The following ELMO1 variants were observed in gnomAD, a reference collection of about 807,000 sequenced individuals.
The protein encoded by ELMO1 is engulfment and cell motility 1, also known as engulfment and cell motility protein 1.
ELMO1 carries 26 observed loss-of-function variants against 98.9 expected under a neutral mutation model. The observed-to-expected ratio is 0.26, with a 90% CI of 0.19 to 0.36. The LOEUF is 0.36. Ranked by LOEUF, ELMO1 falls within the 10% of genes least tolerant of loss-of-function variation. The pLI is 1.00. For synonymous variants in ELMO1, 346 were observed against 346.0 expected, an observed-to-expected ratio of 1.00 and a Z score of 0.00; for missense variants, 627 against 935.2, an observed-to-expected ratio of 0.67 and a Z score of 4.30.
At chr7:37,417,491 T>C (rs1804274065) in intron 1 of ELMO1, among the ~76,000 whole-genome samples, 1 of 152,108 alleles carries the variant, frequency 6.6e-6, no homozygotes. Context: ...AAACCCTGCC[T>C]CTACTAAAAA....
chr7:37,043,623 A>G (rs1229698835), intron 15 of ELMO1, among the ~76,000 whole-genome samples: 1 of 152,226 alleles, frequency 6.6e-6, no homozygotes, highest in Non-Finnish European at 1.5e-5. Flanking sequence ...CATTACAATG[A>G]TATACTAATG....
At chr7:37,134,540 C>T (rs1225078165) in intron 13 of ELMO1, among the ~76,000 whole-genome samples, 2 of 133,988 alleles carry the variant, frequency 1.5e-5, no homozygotes, top group African/African-American at 6.0e-5. Flanking sequence ...GCCTGGGCAA[C>T]AGGGCAAGAC....
At chr7:37,025,503 C>G (rs961130286) in intron 15 of ELMO1, among the ~76,000 whole-genome samples, 8 of 152,150 alleles carry the variant, frequency 5.3e-5, no homozygotes, top group Non-Finnish European at 8.8e-5. Context: ...AAGTAGATAG[C>G]TCTTCCCAAG....
chr7:37,198,966 A>G (rs918246142), intron 13 of ELMO1, among the ~76,000 whole-genome samples: 8 of 152,210 alleles, frequency 5.3e-5, no homozygotes, highest in African/African-American at 1.9e-4. Context: ...CACTTCATGA[A>G]CACATCAGAG....
intron 13 of ELMO1, among the ~76,000 whole-genome samples, chr7:37,168,431 A>C (rs1789888969): frequency 1.3e-5 from 2 of 152,010 alleles, no homozygotes; most frequent in African/African-American, 4.8e-5. Context: ...TAGAGTTTCC[A>C]GTTTTTCTGC....
chr7:37,164,402 A>G (rs1000018670), intron 13 of ELMO1, among the ~76,000 whole-genome samples: 2 of 152,110 alleles, frequency 1.3e-5, no homozygotes, highest in African/African-American at 4.8e-5. Flanking sequence ...TTAGACATGA[A>G]GTCCTTGCCC....
intron 16 of ELMO1, among the ~76,000 whole-genome samples, chr7:36,917,884 G>C (rs1784824368): frequency 6.6e-6 from 1 of 152,034 alleles, no homozygotes; most frequent in Non-Finnish European, 1.5e-5. Flanking sequence ...TGCAGACAAT[G>C]AAATATTATG....
At chr7:37,067,288 G>A (rs1264497548) in intron 15 of ELMO1, among the ~76,000 whole-genome samples, 1 of 152,142 alleles carries the variant, frequency 6.6e-6, no homozygotes, top group Non-Finnish European at 1.5e-5. Flanking sequence ...TGAAAAGAAA[G>A]TAAGAAATCA....
chr7:37,064,269 C>T (rs993741826), intron 15 of ELMO1, among the ~76,000 whole-genome samples: 5 of 152,194 alleles, frequency 3.3e-5, no homozygotes, highest in African/African-American at 1.2e-4. Flanking sequence ...TGACTCCCCT[C>T]ATGCTAGGAG....
chr7:36,962,818 A>C (rs1037260689), intron 16 of ELMO1, among the ~76,000 whole-genome samples: 1 of 151,774 alleles, frequency 6.6e-6, no homozygotes, highest in Non-Finnish European at 1.5e-5. Context: ...CTTAAATAAA[A>C]GCTTTGGGTA....
At chr7:36,991,812 A>T (rs1402479780) in intron 16 of ELMO1, among the ~76,000 whole-genome samples, 1 of 152,192 alleles carries the variant, frequency 6.6e-6, no homozygotes, top group African/African-American at 2.4e-5. Context: ...TGCAGTGCTT[A>T]CCATGGGCCT....
chr7:37,372,373 C>A (rs1802151766), intron 1 of ELMO1, among the ~76,000 whole-genome samples: 1 of 152,060 alleles, frequency 6.6e-6, no homozygotes, highest in African/African-American at 2.4e-5. Flanking sequence ...CTCAGTTTCC[C>A]CATTTGTAAA....
intron 16 of ELMO1, chr7:36,985,197 C>CA: frequency 1.2e-6 from 1 of 818,118 alleles, no homozygotes; most frequent in South Asian, 5.6e-5. Context: ...GGCAGAGAGC[C>CA]AATCCTTGAA....
At chr7:36,860,309 T>C (rs190282955) in intron 21 of ELMO1, among the ~76,000 whole-genome samples, 7 of 152,316 alleles carry the variant, frequency 4.6e-5, no homozygotes, top group South Asian at 2.1e-4. Context: ...ACCTTTCTAT[T>C]GTTGAGGTAT....
At chr7:37,405,498 G>A (rs541949229) in intron 1 of ELMO1, among the ~76,000 whole-genome samples, 4 of 152,318 alleles carry the variant, frequency 2.6e-5, no homozygotes, top group African/African-American at 7.2e-5. Context: ...ACAAATATGT[G>A]TGATGAAATG....
At chr7:37,111,624 A>C (rs754341229) in intron 14 of ELMO1, among the ~76,000 whole-genome samples, 1 of 152,250 alleles carries the variant, frequency 6.6e-6, no homozygotes, top group Non-Finnish European at 1.5e-5. Flanking sequence ...TATCTATTGT[A>C]GCAATGGGCA....
intron 16 of ELMO1, among the ~76,000 whole-genome samples, chr7:36,955,091 C>T (rs1004501290): frequency 2.6e-5 from 4 of 152,184 alleles, no homozygotes; most frequent in Admixed American, 6.5e-5. Flanking sequence ...ATGCCTCACA[C>T]GTTGTATCTT....
At chr7:37,144,603 C>T (rs1460763838) in intron 13 of ELMO1, among the ~76,000 whole-genome samples, 2 of 152,156 alleles carry the variant, frequency 1.3e-5, no homozygotes, top group Admixed American at 1.3e-4. Context: ...TACCTCTGTA[C>T]ATCCTTCTGA....
At chr7:37,251,035 A>G (rs17170962) in intron 6 of ELMO1, among the ~76,000 whole-genome samples, 6,956 of 152,126 alleles carry the variant, frequency 0.046, 375 homozygotes, top group African/African-American at 0.12. Context: ...GTGGAAGGAC[A>G]CAGAAGTAGG....
Sources: allele counts gnomAD v4.1 joint callset (sites outside exome capture counted in the v4.1 genomes callset), GRCh38; gene constraint gnomAD v4.1.1; transcripts MANE v1.5; gene names NCBI Gene and HGNC (gene_info 2026-07-23, HGNC 2026-07-21).